The following ZSWIM3 variants were observed in gnomAD, a reference collection of about 807,000 sequenced individuals.
The protein encoded by ZSWIM3 is zinc finger SWIM-type containing 3, also known as zinc finger SWIM domain-containing protein 3.
Under a neutral mutation model 47.5 loss-of-function variants are expected in ZSWIM3, and 27 were observed. The observed-to-expected ratio is 0.57, with a 90% CI of 0.42 to 0.78. The LOEUF is 0.78. Ranked by LOEUF, ZSWIM3 falls within the 30% of genes least tolerant of loss-of-function variation. The pLI is 0.00. For synonymous variants in ZSWIM3, 333 were observed against 333.9 expected (o/e 1.00, Z 0.03); for missense variants, 689 against 861.3 (o/e 0.80, Z 2.50).
intron 1 of ZSWIM3, among the ~76,000 whole-genome samples, chr20:45,870,129 G>A (rs1385764592): frequency 6.6e-6 from 1 of 151,488 alleles, no homozygotes; most frequent in Non-Finnish European, 1.5e-5. Flanking sequence ...AGATCACGAG[G>A]TCAGGAGTTT....
rs1399183373 is a variant in ZSWIM3 at position 45,877,766 on chromosome 20, C to T, written c.1208C>T (p.Ser403Leu). The part of the protein sequence containing the change: ...DSLDIVTSKV[S>L]SLFREQQSLL... ...CTAGACATTGTCACCAGCAAGGTGT[C>T]AAGCCTCTTTCGGGAACAGCAGTCG... is the stretch of plus-strand genomic sequence containing the variant. The change falls in exon 2 of 2, where the codon TCA (serine) becomes TTA (leucine). Residue 403 changes from serine (S) to leucine (L), a missense_variant. Physicochemically the swap from Ser to Leu is moderately radical, Grantham distance 145 (BLOSUM62 -2). Coordinates refer to ENST00000255152, the MANE Select transcript of ZSWIM3 (RefSeq NM_080752.4). The T allele has an allele frequency of 6.2e-7, 1 of 1,614,108 alleles. No homozygotes were observed. Among genetic ancestry groups the T allele is most frequent in the East Asian group, 2.2e-5 (1 of 44,884 alleles).
chr20:45,868,108 A>C (rs1985887350), intron 1 of ZSWIM3, among the ~76,000 whole-genome samples: 1 of 152,188 alleles, frequency 6.6e-6, no homozygotes, highest in African/African-American at 2.4e-5. Context: ...TGATGAAGAG[A>C]TACATTAAGC....
Position 45,878,240 on chromosome 20 carries a change from G to A in ZSWIM3, c.1682G>A (p.Cys561Tyr). 6.2e-7 allele frequency: 1 copy of A among 1,614,220 alleles called. No homozygotes were observed. The change falls in exon 2 of 2, where the codon TGC becomes TAC. Residue 561 changes from cysteine to tyrosine, a missense_variant. Transcript: ENST00000255152. ...TTTCAACAATGGTACCACCTGCCAT[G>A]CCGACACATTTTGGCTCTGCTGCAC... ...CSFQQWYHLP[C>Y]RHILALLHTS... is the part of the protein sequence containing the mutation.
chr20:45,872,155 T>G (rs6514066), intron 1 of ZSWIM3, among the ~76,000 whole-genome samples: 82,752 of 152,094 alleles, frequency 0.54, 23,289 homozygotes, highest in Admixed American at 0.63. Flanking sequence ...AATAGAATCC[T>G]TTTCCTACTG....
In ZSWIM3 at chr20:45,877,563, G is replaced by A. The variant is rs1568749884; in HGVS notation, c.1005G>A (p.Leu335=). 6.2e-7 allele frequency: 1 copy of A among 1,614,214 alleles called. No homozygotes were observed. Among genetic ancestry groups the A allele is most frequent in the Non-Finnish European group, 8.5e-7 (1 of 1,180,048 alleles). The stretch of plus-strand genomic sequence containing the variant: ...TTAAAAGGCTCATGAAGGAAGCCCT[G>A]CGGGAGGCCGTGTTTGTCACTTCTG... The part of the protein sequence containing the change: ...PSFKRLMKEA[L]REAVFVTSEA... Residue 335 remains leucine, a synonymous_variant, in exon 2 of 2, where the codon CTG becomes CTA. Coordinates refer to ENST00000255152, the MANE Select transcript of ZSWIM3 (RefSeq NM_080752.4).
At position 45,877,253 on chromosome 20, in the gene ZSWIM3, A is replaced by G. The variant is rs998237109; in HGVS notation, c.695A>G (p.His232Arg). 6.2e-7 allele frequency: 1 copy of G among 1,614,042 alleles called. No individual in the cohort carries two copies. Among genetic ancestry groups the G allele is most frequent in the African/African-American group, 1.3e-5 (1 of 74,996 alleles). The change falls in exon 2 of 2, where the codon CAC becomes CGC. Residue 232 changes from histidine to arginine, a missense_variant. His to Arg is a conservative substitution (Grantham distance 29, BLOSUM62 0). Transcript: ENST00000255152. ...LLHRVENTQG[H>R]ILYAFLVENK... ...CACCGGGTGGAGAACACCCAGGGCC[A>G]CATCCTCTATGCTTTCTTGGTGGAG...
At chr20:45,863,706 A>G (rs540651213) in intron 1 of ZSWIM3, among the ~76,000 whole-genome samples, 1 of 152,314 alleles carries the variant, frequency 6.6e-6, no homozygotes, top group East Asian at 1.9e-4. Flanking sequence ...TTAAGAGACA[A>G]ATAGTTTAGG....
rs745533029 is a variant in ZSWIM3, at chr20:45,876,954, C to G, written c.396C>G (p.Pro132=). The part of the protein sequence containing the change: ...MCLQRLQPVQ[P]TTKKDLDTAE... ...TGCAGAGACTCCAGCCTGTGCAGCCCACAACCAAAAAAGACCTTGACACTG... is the reference window on the plus strand; with the variant it reads ...TGCAGAGACTCCAGCCTGTGCAGCCGACAACCAAAAAAGACCTTGACACTG... The change falls in exon 2 of 2, where the codon CCC becomes CCG. Residue 132 remains proline, a synonymous_variant. Transcript: ENST00000255152. The G allele has an allele frequency of 6.2e-7, 1 of 1,614,062 alleles. No homozygotes were observed.
Position 45,876,981 on chromosome 20 carries a change from CGAG to C in ZSWIM3, c.424_426del (p.Glu142del). 1.2e-6 allele frequency: 2 copies of C among 1,614,078 alleles called. No homozygotes were observed. Among genetic ancestry groups the C allele is most frequent in the Non-Finnish European group, 1.7e-6 (2 of 1,180,026 alleles). On this transcript the variant is annotated inframe_deletion, in exon 2 of 2. Transcript: ENST00000255152. The stretch of plus-strand genomic sequence containing the variant: ...CAACCAAAAAAGACCTTGACACTGC[CGAG>C]AAGTCCCTGGTTGAGCCATCGTTTT...
intron 1 of ZSWIM3, 34 bp downstream of exon 1, chr20:45,858,014 G>A: frequency 1.3e-6 from 2 of 1,519,046 alleles, no homozygotes; most frequent in Non-Finnish European, 9.0e-7. Context: ...GGCCAAGAGG[G>A]TGGGGAGGAG....
chr20:45,878,540 T>C lies in ZSWIM3; in HGVS notation c.1982T>C (p.Leu661Pro). ...IWAGPSQPSE[L>P]FQQPGDFKDV... is the part of the protein sequence containing the mutation. ...GCTGGCCCCTCCCAGCCATCTGAGCTCTTTCAGCAGCCAGGAGACTTTAAG... is the reference window on the plus strand; with the variant it reads ...GCTGGCCCCTCCCAGCCATCTGAGCCCTTTCAGCAGCCAGGAGACTTTAAG... The change falls in exon 2 of 2, where the codon CTC becomes CCC. Residue 661 changes from leucine (L) to proline (P), a missense_variant. Physicochemically the swap from Leu to Pro is moderately conservative, Grantham distance 98. Coordinates refer to ENST00000255152, the MANE Select transcript of ZSWIM3 (RefSeq NM_080752.4). 1 of 1,614,180 alleles carries C rather than the reference T, an allele frequency of 6.2e-7. No homozygotes were observed.
At position 45,877,888 on chromosome 20, in the gene ZSWIM3, G is replaced by A. The variant is rs535544712; in HGVS notation, c.1330G>A (p.Ala444Thr). ...CACACCTCCTCCCAAATTAAAGAGA[G>A]CTCGGCCGGCAAGCATGCCACTGAA... ...LPTPPPKLKR[A>T]RPASMPLKSK... The change falls in exon 2 of 2, where the codon GCT (alanine) becomes ACT (threonine). Residue 444 changes from alanine (A) to threonine (T), a missense_variant. Physicochemically the swap from Ala to Thr is moderately conservative, Grantham distance 58. Transcript: ENST00000255152. 1 of 1,614,152 alleles carries A rather than the reference G, an allele frequency of 6.2e-7. No individual in the cohort carries two copies. The highest frequency in any genetic ancestry group is 8.5e-7 in the Non-Finnish European group (1 of 1,180,030).
chr20:45,876,183 C>T (rs1986087820), intron 1 of ZSWIM3, among the ~76,000 whole-genome samples: 3 of 151,948 alleles, frequency 2.0e-5, no homozygotes, highest in Non-Finnish European at 4.4e-5. Context: ...GCTGGGACTA[C>T]AGGCATGCAC....
At position 45,858,100 on chromosome 20, in the gene ZSWIM3, C is replaced by T. The variant is rs1036919804; in HGVS notation, c.155+120C>T. 1.5e-5 allele frequency: 17 copies of T among 1,115,614 alleles called. No homozygotes were observed. The African/African-American group carries it at 2.5e-4, about 16-fold the overall frequency. 69.1% of individuals were successfully genotyped at this position (1,115,614 alleles called of 1,614,324 possible). On this transcript the variant is annotated intron_variant, in intron 1 of 1. Coordinates refer to ENST00000255152, the MANE Select transcript of ZSWIM3 (RefSeq NM_080752.4). Reference sequence around the variant, plus strand: ...TTGGGCTGCGTGGCCATTCATTCAACAGGCACTCATTGAGCACCTGCTGTG... The same window carrying T: ...TTGGGCTGCGTGGCCATTCATTCAATAGGCACTCATTGAGCACCTGCTGTG...
chr20:45,858,652 C>T (rs919057920), intron 1 of ZSWIM3, among the ~76,000 whole-genome samples: 5 of 152,214 alleles, frequency 3.3e-5, no homozygotes, highest in African/African-American at 1.2e-4. Flanking sequence ...GGATTACAGG[C>T]ATGAGCCACT....
At chr20:45,863,713 T>C (rs532661598) in intron 1 of ZSWIM3, among the ~76,000 whole-genome samples, 2 of 152,244 alleles carry the variant, frequency 1.3e-5, no homozygotes, top group African/African-American at 2.4e-5. Flanking sequence ...ACAAATAGTT[T>C]AGGGCCAGGC....
intron 1 of ZSWIM3, among the ~76,000 whole-genome samples, chr20:45,871,811 A>G (rs1466489357): frequency 1.3e-5 from 2 of 151,594 alleles, no homozygotes; most frequent in African/African-American, 4.8e-5. Context: ...CAGTGAGTCA[A>G]GATCACACTA....
chr20:45,862,773 T>A (rs1985741379), intron 1 of ZSWIM3, among the ~76,000 whole-genome samples: 1 of 152,320 alleles, frequency 6.6e-6, no homozygotes, highest in South Asian at 2.1e-4. Flanking sequence ...ATTACAGCTG[T>A]GAGGTGCCAC....
rs376993225 is a variant in ZSWIM3, at chr20:45,877,718, C to T, written c.1160C>T (p.Ala387Val). Residue 387 changes from alanine (A) to valine (V), a missense_variant, in exon 2 of 2, where the codon GCG (alanine) becomes GTG (valine). Transcript: ENST00000255152. ...WYMHVRKGLL[A>V]CNTYMDSLDI... ...ATGCATGTTAGGAAGGGCCTGCTTG[C>T]GTGTAACACCTACATGGACAGCCTA... 70 of 1,613,824 alleles carry T rather than the reference C, an allele frequency of 4.3e-5. 1 individual carries two copies. The East Asian group carries it at 1.0e-3, about 23-fold the overall frequency.
Sources: allele counts gnomAD v4.1 joint callset (sites outside exome capture counted in the v4.1 genomes callset), GRCh38; gene constraint gnomAD v4.1.1; transcripts MANE v1.5; gene names NCBI Gene and HGNC (gene_info 2026-07-23, HGNC 2026-07-21).